ASB15: variants seen among roughly 807,000 people sequenced by gnomAD.
ASB15 encodes the protein ankyrin repeat and SOCS box containing 15, also known as ankyrin repeat and SOCS box protein 15.
A neutral mutation model predicts 58.0 loss-of-function variants in ASB15; 54 were observed. That is an observed-to-expected ratio of 0.93 (90% CI 0.75 to 1.17). The LOEUF is 1.17. Among genes scored for constraint, ASB15 ranks in the 50% most tolerant of loss-of-function variants. The pLI is 0.00. For synonymous variants in ASB15, 249 were observed against 262.4 expected, an observed-to-expected ratio of 0.95 and a Z score of 0.50; for missense variants, 680 against 707.4, an observed-to-expected ratio of 0.96 and a Z score of 0.44.
In ASB15 at chr7:123,617,656, GT is replaced by G. The variant is rs1471343097; in HGVS notation, c.371del (p.Val124GlyfsTer4). 3.7e-6 allele frequency: 6 copies of G among 1,611,118 alleles called. No individual in the cohort carries two copies. Among genetic ancestry groups the G allele is most frequent in the Non-Finnish European group, 5.1e-6 (6 of 1,177,390 alleles). On this transcript the variant is annotated frameshift_variant, in exon 7 of 12. Coordinates refer to ENST00000451215, the MANE Select transcript of ASB15 (RefSeq NM_001290258.2). LOFTEE classifies it high-confidence loss of function. ...GACTTTGGCAGTCAAAGCTGGTCTGGTGGAAAATGTAAGAACTTTATTAGAA... is the reference window on the plus strand; with the variant it reads ...GACTTTGGCAGTCAAAGCTGGTCTGGGGAAAATGTAAGAACTTTATTAGAA... Reference protein sequence around the residue: ...PLTLAVKAGLVENVRTLLEKG... With the variant: ...PLTLAVKAGLXENVRTLLEKG...
chr7:123,573,533 C>T (rs1798976346), intron 1 of ASB15, among the ~76,000 whole-genome samples: 1 of 152,096 alleles, frequency 6.6e-6, no homozygotes, highest in African/African-American at 2.4e-5. Flanking sequence ...TCTGTGAGGG[C>T]TTTCTCTAAA....
chr7:123,624,642 C>A lies in ASB15; in HGVS notation c.525C>A (p.Val175=). Reference sequence around the variant, plus strand: ...ACACTAGCCTAGACCAGCCCTGTGTCAAGCGATGGTCAGCAATGCATGAAG... The same window carrying A: ...ACACTAGCCTAGACCAGCCCTGTGTAAAGCGATGGTCAGCAATGCATGAAG... The part of the protein sequence containing the change: ...KHNTSLDQPC[V]KRWSAMHEAA... Residue 175 remains valine, a synonymous_variant, in exon 8 of 12, where the codon GTC becomes GTA. Transcript: ENST00000451215. 6.2e-7 allele frequency: 1 copy of A among 1,614,044 alleles called. No homozygotes were observed. The highest frequency in any genetic ancestry group is 8.5e-7 in the Non-Finnish European group (1 of 1,179,954).
intron 2 of ASB15, among the ~76,000 whole-genome samples, chr7:123,605,215 A>G (rs1341666181): frequency 6.6e-6 from 1 of 152,218 alleles, no homozygotes; most frequent in Non-Finnish European, 1.5e-5. Context: ...TTATGTGTAT[A>G]TGCATAAGAA....
intron 2 of ASB15, among the ~76,000 whole-genome samples, chr7:123,605,343 A>G (rs766136225): frequency 1.3e-5 from 2 of 152,180 alleles, no homozygotes; most frequent in African/African-American, 2.4e-5. Context: ...TCAAAAAATA[A>G]CAGATGCTGG....
At chr7:123,626,408 G>A (rs1177001015) in intron 8 of ASB15, among the ~76,000 whole-genome samples, 2 of 152,108 alleles carry the variant, frequency 1.3e-5, no homozygotes, top group Non-Finnish European at 2.9e-5. Context: ...GGAGGCGGAG[G>A]CTGCAGTGAG....
intron 1 of ASB15, among the ~76,000 whole-genome samples, chr7:123,573,856 T>C (rs1436627463): frequency 3.3e-5 from 5 of 152,164 alleles, no homozygotes; most frequent in African/African-American, 1.2e-4. Flanking sequence ...ATGTTTATAT[T>C]ATTTTTAGCA....
chr7:123,633,279 T>A (rs1802220638), intron 11 of ASB15, among the ~76,000 whole-genome samples: 1 of 152,100 alleles, frequency 6.6e-6, no homozygotes, highest in Admixed American at 6.5e-5. Context: ...ATTATTTATT[T>A]TTGAATATTA....
chr7:123,568,631 G>T (rs1798824635), intron 1 of ASB15, among the ~76,000 whole-genome samples: 1 of 152,038 alleles, frequency 6.6e-6, no homozygotes, highest in Non-Finnish European at 1.5e-5. Flanking sequence ...ACTTCTGTAT[G>T]GGAAATGTTG....
At chr7:123,593,561 T>C (rs1285682412) in intron 1 of ASB15, among the ~76,000 whole-genome samples, 2 of 152,212 alleles carry the variant, frequency 1.3e-5, no homozygotes, top group Admixed American at 6.5e-5. Context: ...AAATTCTGGG[T>C]TGAAAATTCT....
intron 7 of ASB15, chr7:123,622,720 T>C (rs937325738): frequency 2.0e-5 from 3 of 152,196 alleles, no homozygotes; most frequent in Admixed American, 2.0e-4. Context: ...AGGACACATT[T>C]CTCTTAGTTT....
intron 7 of ASB15, among the ~76,000 whole-genome samples, chr7:123,619,587 A>G (rs182810951): frequency 0.012 from 1,856 of 152,016 alleles, 36 homozygotes; most frequent in African/African-American, 0.042. Flanking sequence ...GCAGTGGCGC[A>G]ATCTCGGCTC....
At chr7:123,624,843 C>A (rs1293732421) in intron 8 of ASB15, 29 bp downstream of exon 8, 11 of 1,599,742 alleles carry the variant, frequency 6.9e-6, no homozygotes, top group African/African-American at 1.3e-5. Flanking sequence ...CACTTCCTGA[C>A]TTTTGTCCTG....
chr7:123,570,810 A>G (rs1473902982), intron 1 of ASB15, among the ~76,000 whole-genome samples: 1 of 152,130 alleles, frequency 6.6e-6, no homozygotes, highest in Non-Finnish European at 1.5e-5. Context: ...TTACCACTGC[A>G]TTTATATAGT....
In ASB15 at chr7:123,629,300, C is replaced by G. The variant is rs767837021; in HGVS notation, c.1306C>G (p.Leu436Val). The G allele has an allele frequency of 1.9e-6, 3 of 1,614,096 alleles. No individual in the cohort carries two copies. The South Asian group carries it at 3.3e-5, about 18-fold the overall frequency. Residue 436 changes from leucine (L) to valine (V), a missense_variant, in exon 10 of 12, where the codon CTG becomes GTG. Leu to Val is a conservative substitution (Grantham distance 32). Coordinates refer to ENST00000451215, the MANE Select transcript of ASB15 (RefSeq NM_001290258.2). ...LNDEVMLRLL[L>V]NNGYQVEMCF... ...CGACGAGGTAATGCTGAGGCTATTGCTGAATAATGGCTATCAAGTGGAGAT... is the reference window on the plus strand; with the variant it reads ...CGACGAGGTAATGCTGAGGCTATTGGTGAATAATGGCTATCAAGTGGAGAT...
intron 1 of ASB15, among the ~76,000 whole-genome samples, chr7:123,595,166 C>T (rs1584746117): frequency 6.6e-6 from 1 of 152,194 alleles, no homozygotes; most frequent in South Asian, 2.1e-4. Context: ...CCCTAAATGA[C>T]ACTGATCACT....
intron 1 of ASB15, among the ~76,000 whole-genome samples, chr7:123,570,635 T>A (rs1282584714): frequency 6.6e-6 from 1 of 152,176 alleles, no homozygotes; most frequent in South Asian, 2.1e-4. Flanking sequence ...CTTGACAAAT[T>A]ATAGGCCTTA....
intron 2 of ASB15, among the ~76,000 whole-genome samples, chr7:123,605,597 T>C (rs1490006767): frequency 6.6e-6 from 1 of 152,154 alleles, no homozygotes; most frequent in African/African-American, 2.4e-5. Flanking sequence ...TCAACCTAAA[T>C]GCACAATGAC....
rs774944187 is a variant in ASB15, at chr7:123,629,434, G to T, written c.1440G>T (p.Pro480=). 1.3e-6 allele frequency: 2 copies of T among 1,593,952 alleles called. No homozygotes were observed. The highest frequency in any genetic ancestry group is 1.1e-5 in the South Asian group (1 of 89,006). ...GWTSCVIKDN[P]FCEFITVPWM... ...CATCTTGTGTAATAAAAGATAACCCGGTGAGTTATGCCTTTTCTGCTTTAT... is the reference window on the plus strand; with the variant it reads ...CATCTTGTGTAATAAAAGATAACCCTGTGAGTTATGCCTTTTCTGCTTTAT... Residue 480 remains proline (P), a splice_region_variant and synonymous_variant, in exon 10 of 12, where the codon CCG becomes CCT. Coordinates refer to ENST00000451215, the MANE Select transcript of ASB15 (RefSeq NM_001290258.2).
chr7:123,623,913 A>AT (rs1435960590), intron 7 of ASB15, among the ~76,000 whole-genome samples: 3 of 121,004 alleles, frequency 2.5e-5, no homozygotes, highest in African/African-American at 9.3e-5. Flanking sequence ...GAAGGAAGGA[A>AT]GGAAGGAAGA....
Sources: allele counts gnomAD v4.1 joint callset (sites outside exome capture counted in the v4.1 genomes callset), GRCh38; gene constraint gnomAD v4.1.1; transcripts MANE v1.5; gene names NCBI Gene and HGNC (gene_info 2026-07-23, HGNC 2026-07-21).